Variants in STARD9 observed in about 807,000 individuals in gnomAD.
STARD9 encodes stAR-related lipid transfer protein 9.
A neutral mutation model predicts 399.8 loss-of-function variants in STARD9; 346 were observed. The observed-to-expected ratio is 0.87, with a 90% confidence interval of 0.79 to 0.95. STARD9 has a LOEUF of 0.95. STARD9 is among the 40% of genes least tolerant of loss of function. The pLI is 0.00. For missense variants in STARD9, 5,832 were observed against 5,667.5 expected (o/e 1.03, Z -0.93); for synonymous variants, 2,203 against 2,143.5 (o/e 1.03, Z -0.77).
chr15:42,592,087 T>G (rs1440853090), intron 3 of STARD9, among the ~76,000 whole-genome samples: 2 of 152,222 alleles, frequency 1.3e-5, no homozygotes, highest in Non-Finnish European at 2.9e-5. Context: ...TCTGATCATC[T>G]CTTTATGTAT....
rs189255159 is a variant in STARD9, at chr15:42,720,919, C to T, written c.*1345C>T. ...TTAACACCCTATTTATATACTCCTA[C>T]CTCTTTTCATATAAATCTCTTACTA... On this transcript the variant is annotated 3_prime_UTR_variant, in exon 33 of 33. Coordinates refer to ENST00000290607, the MANE Select transcript of STARD9 (RefSeq NM_020759.3). The T allele has an allele frequency of 2.6e-5, 4 of 152,064 alleles. No homozygotes were observed. The highest frequency in any genetic ancestry group is 9.7e-5 in the African/African-American group (4 of 41,386). 9.4% of individuals were successfully genotyped at this position (152,064 alleles called of 1,614,324 possible).
intron 9 of STARD9, among the ~76,000 whole-genome samples, chr15:42,654,135 G>T (rs2059818048): frequency 6.6e-6 from 1 of 152,014 alleles, no homozygotes; most frequent in Non-Finnish European, 1.5e-5. Context: ...AATTAAAATG[G>T]TACATATTAA....
chr15:42,684,882 G>T lies in STARD9; in HGVS notation c.3304G>T (p.Asp1102Tyr). 1 of 1,537,046 alleles carries T rather than the reference G, an allele frequency of 6.5e-7. No individual in the cohort carries two copies. The change falls in exon 23 of 33, where the codon GAC becomes TAC. Residue 1102 changes from aspartate (D) to tyrosine (Y), a missense_variant. Transcript: ENST00000290607. Reference protein sequence around the residue: ...HSREKDNDLSDTDSNYSLDSL... With the variant: ...HSREKDNDLSYTDSNYSLDSL... The stretch of plus-strand genomic sequence containing the variant: ...AAGAGAAAAAGACAATGATTTATCT[G>T]ACACAGATAGCAACTACTCATTGGA...
At chr15:42,673,832 A>G in intron 16 of STARD9, 1 of 441,270 alleles carries the variant, frequency 2.3e-6, no homozygotes, top group Non-Finnish European at 4.6e-6. Context: ...CATTTGTACT[A>G]ACTCCAGTTT....
intron 13 of STARD9, 98 bp downstream of exon 13, chr15:42,664,015 A>G (rs893957970): frequency 3.2e-5 from 24 of 760,762 alleles, no homozygotes; most frequent in South Asian, 4.8e-5. Context: ...ACTCACCTCA[A>G]CTTTCCAGAC....
rs777727775 is a variant in STARD9 at position 42,688,206 on chromosome 15, C to T, written c.6628C>T (p.Leu2210=). 36 of 1,537,302 alleles carry T rather than the reference C, an allele frequency of 2.3e-5. No individual in the cohort carries two copies. In the African/African-American group the frequency reaches 4.9e-4, roughly 21 times the overall value. ...PQRMKALARA[L]PLQPRLERSS... Reference sequence around the variant, plus strand: ...GAGAATGAAAGCATTGGCTAGAGCTCTGCCATTGCAACCCAGGCTAGAGAG... The same window carrying T: ...GAGAATGAAAGCATTGGCTAGAGCTTTGCCATTGCAACCCAGGCTAGAGAG... The change falls in exon 23 of 33, where the codon CTG becomes TTG. Residue 2210 remains leucine, a synonymous_variant. Coordinates refer to ENST00000290607, the MANE Select transcript of STARD9 (RefSeq NM_020759.3).
At position 42,688,359 on chromosome 15, in the gene STARD9, G is replaced by A. The variant is rs867845466; in HGVS notation, c.6781G>A (p.Val2261Ile). The A allele has an allele frequency of 6.5e-6, 10 of 1,536,852 alleles. No individual in the cohort carries two copies. The highest frequency in any genetic ancestry group is 1.7e-4 in the Middle Eastern group (1 of 5,990). ...GFQESQVAEH[V>I]SSSNQEEPKA... ...TCAGGAAAGCCAAGTAGCTGAACACGTAAGTAGTTCCAACCAAGAAGAGCC... is the reference window on the plus strand; with the variant it reads ...TCAGGAAAGCCAAGTAGCTGAACACATAAGTAGTTCCAACCAAGAAGAGCC... Residue 2261 changes from valine to isoleucine, a missense_variant, in exon 23 of 33, where the codon GTA becomes ATA. Physicochemically the swap from Val to Ile is conservative, Grantham distance 29 (BLOSUM62 3). Coordinates refer to ENST00000290607, the MANE Select transcript of STARD9 (RefSeq NM_020759.3).
intron 16 of STARD9, chr15:42,674,056 T>G: frequency 2.2e-6 from 1 of 447,744 alleles, no homozygotes; most frequent in Non-Finnish European, 4.5e-6. Context: ...CTTTGCCCCT[T>G]AGGGAAAAGC....
At position 42,656,488 on chromosome 15, in the gene STARD9, C is replaced by T. The variant is rs536842545; in HGVS notation, c.702+3896C>T. Among the ~76,000 whole-genome samples, 10 of 151,774 alleles carry T rather than the reference C, an allele frequency of 6.6e-5. No homozygotes were observed. In the South Asian group the frequency reaches 2.1e-3, roughly 32 times the overall value. ...CTTAAAGAACTACAGGTAGATTTAC[C>T]CAGAGGAAAAGAAGTCGTTATATGA... On this transcript the variant is annotated intron_variant, in intron 9 of 32. Transcript: ENST00000290607.
intron 1 of STARD9, 118 bp downstream of exon 1, chr15:42,575,880 G>C (rs189324154): frequency 2.2e-5 from 26 of 1,158,828 alleles, no homozygotes; most frequent in Admixed American, 4.0e-5. Context: ...GTGACCCGGG[G>C]GGTCGGGGTC....
Position 42,688,466 on chromosome 15 carries a change from T to G in STARD9, c.6888T>G (p.Phe2296Leu), listed in dbSNP as rs2060613959. The G allele has an allele frequency of 6.5e-7, 1 of 1,537,702 alleles. No homozygotes were observed. The highest frequency in any genetic ancestry group is 8.7e-7 in the Non-Finnish European group (1 of 1,147,062). Reference sequence around the variant, plus strand: ...AAGAAAATAAAGTGACTCAGAAATTTCCTAGTCTCAGCCAGCTTTGTAGGG... The same window carrying G: ...AAGAAAATAAAGTGACTCAGAAATTGCCTAGTCTCAGCCAGCTTTGTAGGG... ...LQEENKVTQK[F>L]PSLSQLCRDT... Residue 2296 changes from phenylalanine to leucine, a missense_variant, in exon 23 of 33, where the codon TTT becomes TTG. Physicochemically the swap from Phe to Leu is conservative, Grantham distance 22. Coordinates refer to ENST00000290607, the MANE Select transcript of STARD9 (RefSeq NM_020759.3).
Position 42,674,460 on chromosome 15 carries a change from A to G in STARD9, c.1518A>G (p.Gly506=). The change falls in exon 17 of 33, where the codon GGA becomes GGG. Residue 506 remains glycine (G), a synonymous_variant. Coordinates refer to ENST00000290607, the MANE Select transcript of STARD9 (RefSeq NM_020759.3). ...YHLKEGTTKI[G]RIDSDQEQDI... is the part of the protein sequence containing the mutation. ...TTTAGGAAGGGACAACAAAAATAGG[A>G]AGGATTGACTCAGACCAGGAACAGG... 6.5e-7 allele frequency: 1 copy of G among 1,537,158 alleles called. No homozygotes were observed. The highest frequency in any genetic ancestry group is 8.7e-7 in the Non-Finnish European group (1 of 1,146,812).
At position 42,700,379 on chromosome 15, in the gene STARD9, T is replaced by C. The variant is rs552731662; in HGVS notation, c.13284+4499T>C. Among the ~76,000 whole-genome samples, 16 of 152,366 alleles carry C rather than the reference T, an allele frequency of 1.1e-4. No homozygotes were observed. In the South Asian group the frequency reaches 3.1e-3, roughly 30 times the overall value. On this transcript the variant is annotated intron_variant, in intron 26 of 32. Coordinates refer to ENST00000290607, the MANE Select transcript of STARD9 (RefSeq NM_020759.3). ...ATACTGTTTGCCATAATGGCGGTAT[T>C]AATTTACATTTCTACCAGCAGTGTA...
intron 20 of STARD9, among the ~76,000 whole-genome samples, chr15:42,678,149 TGTG>T (rs1566927528): frequency 6.6e-6 from 1 of 151,964 alleles, no homozygotes. Flanking sequence ...GTGGAGGTGG[TGTG>T]GTGTGGTGCT....
intron 3 of STARD9, among the ~76,000 whole-genome samples, chr15:42,626,390 C>CTCCTCT (rs1293012778): frequency 6.1e-5 from 9 of 147,204 alleles, no homozygotes; most frequent in African/African-American, 2.3e-4. Flanking sequence ...CCTCCTCTTC[C>CTCCTCT]TCTTCCTCCT....
intron 27 of STARD9, 66 bp from the exon 28 acceptor site, chr15:42,716,861 G>C: frequency 6.5e-7 from 1 of 1,530,602 alleles, no homozygotes; most frequent in Non-Finnish European, 8.8e-7. Context: ...GTCTGTGGGA[G>C]AGCTGTTGCT....
At chr15:42,628,689 C>CGAGAA (rs1467026139) in intron 3 of STARD9, among the ~76,000 whole-genome samples, 1 of 152,160 alleles carries the variant, frequency 6.6e-6, no homozygotes, top group Non-Finnish European at 1.5e-5. Flanking sequence ...AAGAGACTGT[C>CGAGAA]TTCTCCCCTG....
intron 3 of STARD9, among the ~76,000 whole-genome samples, chr15:42,622,184 A>T (rs2059106247): frequency 6.6e-6 from 1 of 152,156 alleles, no homozygotes; most frequent in African/African-American, 2.4e-5. Flanking sequence ...AGGCCACGGC[A>T]ACTCCTTGAG....
chr15:42,615,762 G>A (rs930018798), intron 3 of STARD9, among the ~76,000 whole-genome samples: 1 of 151,744 alleles, frequency 6.6e-6, no homozygotes, highest in South Asian at 2.1e-4. Context: ...CATGAATGCT[G>A]TCTCAATTAT....
Sources: gnomAD v4.1 joint callset for allele counts (sites outside exome capture counted in the v4.1 genomes callset) on GRCh38, gnomAD v4.1.1 for gene constraint, MANE v1.5 for transcripts, NCBI Gene and HGNC (gene_info 2026-07-23, HGNC 2026-07-21) for gene names.